NOX4: variants seen among roughly 807,000 people sequenced by gnomAD.
NOX4 encodes the protein NADPH oxidase 4, also known as kidney oxidase-1.
Under a neutral mutation model 87.6 loss-of-function variants are expected in NOX4, and 69 were observed. The ratio of observed to expected loss-of-function variants is 0.79; its 90% CI spans 0.65 to 0.96. The LOEUF (loss-of-function observed/expected upper bound fraction) is 0.96, where lower values mean the gene tolerates loss of function less well. Among genes scored for constraint, NOX4 ranks in the 40% least tolerant of loss-of-function variants. The probability of loss-of-function intolerance (pLI) is 0.00; values close to 1 mark genes in which losing one functional copy is unlikely to be tolerated. For synonymous variants in NOX4, 275 were observed against 238.2 expected, an observed-to-expected ratio of 1.15 and a Z score of -1.42; for missense variants, 680 against 681.5, an observed-to-expected ratio of 1.00 and a Z score of 0.02.
chr11:89,386,166 C>T (rs1236906436), intron 11 of NOX4, among the ~76,000 whole-genome samples: 1 of 152,118 alleles, frequency 6.6e-6, no homozygotes, highest in African/African-American at 2.4e-5. Flanking sequence ...CAGGGTATAG[C>T]CTATTTGAGC....
chr11:89,423,132 T>C (rs1943177111), intron 7 of NOX4, among the ~76,000 whole-genome samples: 1 of 152,042 alleles, frequency 6.6e-6, no homozygotes, highest in South Asian at 2.1e-4. Flanking sequence ...CCATTAGAAT[T>C]TGAACTGCAA....
At chr11:89,437,478 G>A (rs1167229062) in intron 6 of NOX4, among the ~76,000 whole-genome samples, 6 of 152,116 alleles carry the variant, frequency 3.9e-5, no homozygotes, top group African/African-American at 1.2e-4. Context: ...CCAGACTCAC[G>A]CTTAGGGAGC....
chr11:89,547,767 A>G, the NOX4 span, among the ~76,000 whole-genome samples: 15 of 152,268 alleles, frequency 9.9e-5, no homozygotes, highest in East Asian at 2.9e-3. Context: ...GTTTAAGGAT[A>G]GGTATTGTTT....
intron 3 of NOX4, among the ~76,000 whole-genome samples, chr11:89,451,260 A>G (rs561287191): frequency 2.6e-5 from 4 of 152,292 alleles, no homozygotes; most frequent in Non-Finnish European, 5.9e-5. Context: ...CAAAATGAGT[A>G]TATGTGTTAA....
chr11:89,541,787 C>G, the NOX4 span, among the ~76,000 whole-genome samples: 3 of 152,080 alleles, frequency 2.0e-5, no homozygotes, highest in African/African-American at 7.2e-5. Context: ...AGACAAAAAT[C>G]TCTGTAGCAA....
chr11:89,496,189 T>C (rs1394464409), upstream of NOX4, among the ~76,000 whole-genome samples: 1 of 152,172 alleles, frequency 6.6e-6, no homozygotes, highest in African/African-American at 2.4e-5. Flanking sequence ...TAGACCATCA[T>C]CTGATTCAGT....
At chr11:89,527,770 C>T in the NOX4 span, among the ~76,000 whole-genome samples, 5 of 152,142 alleles carry the variant, frequency 3.3e-5, no homozygotes, top group Admixed American at 6.5e-5. Flanking sequence ...AAATTTGCTG[C>T]AGGGATGGAG....
chr11:89,508,143 C>A, the NOX4 span, among the ~76,000 whole-genome samples: 790 of 152,134 alleles, frequency 5.2e-3, 7 homozygotes, highest in African/African-American at 0.018. Context: ...CTCCAAGATA[C>A]TGTTAGCTAT....
intron 16 of NOX4, 45 bp from the exon 17 acceptor site, chr11:89,335,990 A>T (rs1945697186): frequency 8.3e-7 from 1 of 1,208,128 alleles, no homozygotes; most frequent in African/African-American, 1.5e-5. Flanking sequence ...TAGTTAAGTA[A>T]ACCAGTTCTC....
intron 7 of NOX4, among the ~76,000 whole-genome samples, chr11:89,431,453 T>TACTC (rs1304736897): frequency 6.6e-6 from 1 of 151,994 alleles, no homozygotes; most frequent in East Asian, 1.9e-4. Flanking sequence ...GCAGTCTACC[T>TACTC]ATCTGACAAA....
chr11:89,579,753 T>C, the NOX4 span, among the ~76,000 whole-genome samples: 25 of 152,270 alleles, frequency 1.6e-4, no homozygotes, highest in South Asian at 4.1e-4. Context: ...TAGGGAACTT[T>C]GTACTTCCTA....
intron 6 of NOX4, among the ~76,000 whole-genome samples, chr11:89,435,464 A>C (rs867274534): frequency 1.2e-4 from 18 of 152,130 alleles, no homozygotes; most frequent in Admixed American, 5.9e-4. Flanking sequence ...TTGAAAATTA[A>C]TTCCTTGAAA....
At chr11:89,544,312 T>A in the NOX4 span, among the ~76,000 whole-genome samples, 1 of 152,168 alleles carries the variant, frequency 6.6e-6, no homozygotes, top group Non-Finnish European at 1.5e-5. Context: ...ACGTGTTTAT[T>A]TATTGCCTGC....
chr11:89,337,363 G>A, intron 16 of NOX4, 84 bp downstream of exon 16: 1 of 1,587,166 alleles, frequency 6.3e-7, no homozygotes, highest in African/African-American at 1.3e-5. Flanking sequence ...CGAACCACCT[G>A]CAGGAATTTT....
intron 16 of NOX4, among the ~76,000 whole-genome samples, chr11:89,336,918 G>A (rs1217092305): frequency 6.6e-6 from 1 of 152,022 alleles, no homozygotes; most frequent in East Asian, 1.9e-4. Flanking sequence ...CACCAGTCCA[G>A]CTCTTCAATG....
At chr11:89,374,888 G>A (rs1012511800) in intron 11 of NOX4, among the ~76,000 whole-genome samples, 4 of 152,170 alleles carry the variant, frequency 2.6e-5, no homozygotes, top group South Asian at 4.1e-4. Context: ...AGACTTCAGA[G>A]CTCACTGTGC....
chr11:89,555,254 C>G, the NOX4 span, among the ~76,000 whole-genome samples: 1 of 152,046 alleles, frequency 6.6e-6, no homozygotes, highest in Non-Finnish European at 1.5e-5. Flanking sequence ...AAGGCCAAGG[C>G]AGGAGGATTG....
At chr11:89,532,616 T>C in the NOX4 span, among the ~76,000 whole-genome samples, 1 of 152,176 alleles carries the variant, frequency 6.6e-6, no homozygotes, top group South Asian at 2.1e-4. Flanking sequence ...AACGCTGGAA[T>C]GAGTTAAGAC....
intron 13 of NOX4, among the ~76,000 whole-genome samples, chr11:89,347,127 A>G (rs987588175): frequency 5.3e-5 from 8 of 152,232 alleles, no homozygotes; most frequent in Admixed American, 4.6e-4. Context: ...GACATTATGT[A>G]TACTGTGGAA....
Sources: gnomAD v4.1 joint callset for allele counts (sites outside exome capture counted in the v4.1 genomes callset) on GRCh38, gnomAD v4.1.1 for gene constraint, MANE v1.5 for transcripts, NCBI Gene and HGNC (gene_info 2026-07-23, HGNC 2026-07-21) for gene names.